KIF1B: variants seen among roughly 807,000 people sequenced by gnomAD.
KIF1B encodes kinesin-like protein KIF1B.
A neutral mutation model predicts 241.9 loss-of-function variants in KIF1B; 76 were observed. The ratio of observed to expected loss-of-function variants is 0.31; its 90% CI spans 0.26 to 0.38. KIF1B has a LOEUF of 0.38. Among genes scored for constraint, KIF1B ranks in the 10% least tolerant of loss-of-function variants. KIF1B has a pLI of 1.00. For synonymous variants in KIF1B, 750 were observed against 796.7 expected, an observed-to-expected ratio of 0.94 and a Z score of 0.99; for missense variants, 1,622 against 2,271.4, an observed-to-expected ratio of 0.71 and a Z score of 5.81.
intron 43 of KIF1B, among the ~76,000 whole-genome samples, chr1:10,366,446 G>A (rs1470601112): frequency 1.3e-5 from 2 of 151,792 alleles, no homozygotes; most frequent in Middle Eastern, 3.2e-3. Flanking sequence ...GGAGGCAGTG[G>A]TGTCCTGCGT....
At chr1:10,364,668 C>T (rs949195198) in intron 41 of KIF1B, among the ~76,000 whole-genome samples, 17 of 152,080 alleles carry the variant, frequency 1.1e-4, no homozygotes, top group African/African-American at 4.1e-4. Context: ...AACAAAATCC[C>T]ATATATCTTC....
At chr1:10,301,435 G>C (rs985542627) in intron 22 of KIF1B, among the ~76,000 whole-genome samples, 1 of 152,090 alleles carries the variant, frequency 6.6e-6, no homozygotes, top group Non-Finnish European at 1.5e-5. Flanking sequence ...GGAGGCCAAG[G>C]TGGGTGGATC....
At chr1:10,216,915 G>A (rs1219928856) in intron 1 of KIF1B, among the ~76,000 whole-genome samples, 1 of 139,490 alleles carries the variant, frequency 7.2e-6, no homozygotes, top group Non-Finnish European at 1.5e-5. Context: ...GGAACTCGCA[G>A]TATTGGTTAC....
chr1:10,257,978 T>G (rs1314526002), intron 3 of KIF1B, among the ~76,000 whole-genome samples: 3 of 152,192 alleles, frequency 2.0e-5, no homozygotes, highest in East Asian at 3.8e-4. Context: ...TGCCCTGCCC[T>G]GGGGAATCGA....
intron 1 of KIF1B, among the ~76,000 whole-genome samples, chr1:10,222,105 T>C (rs1646852253): frequency 2.0e-5 from 3 of 152,040 alleles, no homozygotes; most frequent in South Asian, 4.2e-4. Context: ...ATGAAATAAA[T>C]GGGAAAGTGA....
At chr1:10,304,090 A>G (rs1294030018) in intron 22 of KIF1B, 1 of 1,614,100 alleles carries the variant, frequency 6.2e-7, no homozygotes, top group Non-Finnish European at 8.5e-7. Context: ...CCCTAAACAC[A>G]GAAACTCTTG....
intron 3 of KIF1B, among the ~76,000 whole-genome samples, chr1:10,258,043 T>C (rs1290856590): frequency 6.6e-6 from 1 of 152,202 alleles, no homozygotes; most frequent in African/African-American, 2.4e-5. Context: ...GAGAAGGGGA[T>C]TGGAAATGCT....
At chr1:10,313,548 A>ATT (rs33994083) in intron 22 of KIF1B, among the ~76,000 whole-genome samples, 34,189 of 121,304 alleles carry the variant, frequency 0.28, 5,653 homozygotes, top group East Asian at 0.34. Context: ...ACTAGTTAGG[A>ATT]TTTTTTTTTT....
intron 22 of KIF1B, among the ~76,000 whole-genome samples, chr1:10,318,313 A>G (rs561782172): frequency 6.6e-6 from 1 of 151,630 alleles, no homozygotes; most frequent in Admixed American, 6.6e-5. Flanking sequence ...GCAGTGCTTT[A>G]TGATGCATGG....
chr1:10,288,481 T>C (rs577667218), intron 15 of KIF1B, among the ~76,000 whole-genome samples: 27 of 152,282 alleles, frequency 1.8e-4, no homozygotes, highest in African/African-American at 6.5e-4. Context: ...TGTTTTAGCC[T>C]TTGAGCCTCT....
intron 14 of KIF1B, among the ~76,000 whole-genome samples, chr1:10,280,359 C>G (rs1188526491): frequency 6.6e-6 from 1 of 152,028 alleles, no homozygotes; most frequent in African/African-American, 2.4e-5. Flanking sequence ...CCTCAGCCTC[C>G]CGAGTAGCTG....
At chr1:10,305,157 T>G in intron 22 of KIF1B, 1 of 1,047,284 alleles carries the variant, frequency 9.5e-7, no homozygotes, top group Non-Finnish European at 1.2e-6. Context: ...GTTCCCTTCT[T>G]TAAATATGAT....
intron 22 of KIF1B, among the ~76,000 whole-genome samples, chr1:10,300,385 T>A (rs1047770516): frequency 6.6e-6 from 1 of 151,786 alleles, no homozygotes; most frequent in African/African-American, 2.4e-5. Context: ...ATTTGAACTT[T>A]AAAGAGGACA....
rs1465973834 is a variant in KIF1B, at chr1:10,296,885, G to A, written c.1862-12G>A. 1 of 1,612,798 alleles carries A rather than the reference G, an allele frequency of 6.2e-7. No homozygotes were observed. The highest frequency in any genetic ancestry group is 1.1e-5 in the South Asian group (1 of 90,944). On this transcript the variant is annotated splice_polypyrimidine_tract_variant and intron_variant, in intron 20 of 48. Coordinates refer to ENST00000676179, the MANE Select transcript of KIF1B (RefSeq NM_001365951.3). ...AATTATTTCTTAACCCTATTTTTCT[G>A]TTTTGTGCTAGGAAACCGTATCATC...
intron 27 of KIF1B, among the ~76,000 whole-genome samples, chr1:10,330,934 G>A (rs1193714337): frequency 6.6e-6 from 1 of 152,190 alleles, no homozygotes; most frequent in Non-Finnish European, 1.5e-5. Context: ...TTATGAGAAA[G>A]TGGTGTTTGA....
Position 10,336,610 on chromosome 1 carries a change from C to G in KIF1B, c.3044-47C>G, listed in dbSNP as rs60373062. 2.3e-3 allele frequency: 3,382 copies of G among 1,442,528 alleles called. 67 individuals are homozygous for G. The African/African-American group carries it at 0.041, about 18-fold the overall frequency. The allele number at this position is 1,442,528 out of a possible 1,614,324, so 89.4% of individuals were successfully genotyped here. Reference sequence around the variant, plus strand: ...AGCAAGAGCTTTTTCCCTCCCTCCCCCTGTGTAGTCTCACTCAATTCTTGC... The same window carrying G: ...AGCAAGAGCTTTTTCCCTCCCTCCCGCTGTGTAGTCTCACTCAATTCTTGC... On this transcript the variant is annotated intron_variant, in intron 28 of 48. Coordinates refer to ENST00000676179, the MANE Select transcript of KIF1B (RefSeq NM_001365951.3).
chr1:10,321,721 A>C lies in KIF1B; in HGVS notation c.2222A>C (p.Gln741Pro). 1 of 1,614,198 alleles carries C rather than the reference A, an allele frequency of 6.2e-7. No individual in the cohort carries two copies. Among genetic ancestry groups the C allele is most frequent in the Non-Finnish European group, 8.5e-7 (1 of 1,180,002 alleles). ...EEEEEEVPWT[Q>P]HEFELAQWAF... is the part of the protein sequence containing the mutation. The stretch of plus-strand genomic sequence containing the variant: ...TTCATTCTTTCAGTTCCTTGGACAC[A>C]GCATGAATTTGAGTTGGCCCAATGG... The change falls in exon 24 of 49, where the codon CAG becomes CCG. Residue 741 changes from glutamine (Q) to proline (P), a missense_variant. Physicochemically the swap from Gln to Pro is moderately conservative, Grantham distance 76 (BLOSUM62 -1). This residue lies in a region of KIF1B where 803 missense variants were observed against 1,112.0 expected (regional missense o/e 0.72). Coordinates refer to ENST00000676179, the MANE Select transcript of KIF1B (RefSeq NM_001365951.3).
chr1:10,256,703 A>AATT (rs1553162776), intron 3 of KIF1B, among the ~76,000 whole-genome samples: 25 of 145,266 alleles, frequency 1.7e-4, no homozygotes, highest in South Asian at 6.6e-4. Flanking sequence ...TAATAATAAT[A>AATT]ATTATTATTA....
At chr1:10,368,811 G>T (rs538288854) in intron 44 of KIF1B, among the ~76,000 whole-genome samples, 1 of 152,314 alleles carries the variant, frequency 6.6e-6, no homozygotes, top group East Asian at 1.9e-4. Flanking sequence ...CTTTGGAGGA[G>T]AATATTCTAT....
Sources: allele counts gnomAD v4.1 joint callset (sites outside exome capture counted in the v4.1 genomes callset), GRCh38; gene constraint gnomAD v4.1.1; regional missense constraint gnomAD v4.1.1; transcripts MANE v1.5; gene names NCBI Gene and HGNC (gene_info 2026-07-23, HGNC 2026-07-21).